The following SLC25A24 variants were observed in gnomAD, a reference collection of about 807,000 sequenced individuals.
The protein encoded by SLC25A24 is solute carrier family 25 member 24.
A neutral mutation model predicts 60.7 loss-of-function variants in SLC25A24; 49 were observed. The observed-to-expected ratio is 0.81, with a 90% CI of 0.64 to 1.02. SLC25A24 has a LOEUF of 1.02. Ranked by LOEUF, SLC25A24 falls within the 50% of genes least tolerant of loss-of-function variation. The pLI is 0.00. For synonymous variants in SLC25A24, 202 were observed against 200.6 expected, an observed-to-expected ratio of 1.01 and a Z score of -0.06; for missense variants, 564 against 586.3, an observed-to-expected ratio of 0.96 and a Z score of 0.39.
At chr1:108,198,237 T>G (rs1483730755) in intron 1 of SLC25A24, among the ~76,000 whole-genome samples, 4 of 152,154 alleles carry the variant, frequency 2.6e-5, no homozygotes, top group Non-Finnish European at 4.4e-5. Flanking sequence ...CTAAATGGAC[T>G]AAGACAGGAA....
rs556224718 is a variant in SLC25A24 at position 108,175,221 on chromosome 1, T to C, written c.398+6720A>G. On this transcript the variant is annotated intron_variant, in intron 3 of 9. Transcript: ENST00000565488. ...ACAGGAGGGACCCAGTGGGAGGTAA[T>C]TGAATCATGGAGGAGGCTACCCTCA... Among the ~76,000 whole-genome samples, 29 of 152,298 alleles carry C rather than the reference T, an allele frequency of 1.9e-4. No homozygotes were observed. In the South Asian group the frequency reaches 2.7e-3, roughly 14 times the overall value.
Position 108,165,130 on chromosome 1 carries a change from T to C in SLC25A24, c.399-3837A>G, listed in dbSNP as rs576927134. Among the ~76,000 whole-genome samples the C allele has an allele frequency of 1.4e-3, 215 of 151,208 alleles. 1 individual carries two copies. The highest frequency in any genetic ancestry group is 2.3e-3 in the Non-Finnish European group (153 of 67,828). On this transcript the variant is annotated intron_variant, in intron 3 of 9. Coordinates refer to ENST00000565488, the MANE Select transcript of SLC25A24 (RefSeq NM_013386.5). ...GAGTGAAATTCTTAATCCTGAGTTC[T>C]AGTTTGATTGCACTGTGGTCTGAGA...
At chr1:108,142,619 G>A (rs559272075) in intron 8 of SLC25A24, among the ~76,000 whole-genome samples, 15 of 152,266 alleles carry the variant, frequency 9.9e-5, no homozygotes, top group East Asian at 5.8e-4. Context: ...TTTGAGTTAC[G>A]GAGGGTAGGA....
At chr1:108,139,338 C>T in intron 8 of SLC25A24, 130 bp from the exon 9 acceptor site, 4 of 911,734 alleles carry the variant, frequency 4.4e-6, no homozygotes, top group Non-Finnish European at 6.4e-6. Flanking sequence ...GCAGAAGCAG[C>T]AGGCACTGCA....
intron 2 of SLC25A24, among the ~76,000 whole-genome samples, chr1:108,183,227 T>A (rs754674576): frequency 6.6e-6 from 1 of 152,180 alleles, no homozygotes; most frequent in Non-Finnish European, 1.5e-5. Context: ...ATGACAGGAT[T>A]CTGAGAGAAT....
At chr1:108,194,930 G>C (rs924350285) in intron 1 of SLC25A24, among the ~76,000 whole-genome samples, 1 of 152,174 alleles carries the variant, frequency 6.6e-6, no homozygotes, top group African/African-American at 2.4e-5. Context: ...TTTGAACCCT[G>C]TTCTGATTCC....
intron 7 of SLC25A24, among the ~76,000 whole-genome samples, chr1:108,144,010 G>C (rs1382287863): frequency 6.6e-6 from 1 of 152,158 alleles, no homozygotes; most frequent in Admixed American, 6.5e-5. Context: ...TGGAAGGTGA[G>C]GGAAATGGTA....
rs1174909373 is a variant in SLC25A24 at position 108,135,435 on chromosome 1, T to G, written c.*1218A>C. The G allele has an allele frequency of 6.6e-6, 1 of 152,534 alleles. No individual in the cohort carries two copies. The highest frequency in any genetic ancestry group is 6.5e-5 in the Admixed American group (1 of 15,282). The allele number at this position is 152,534 out of a possible 1,614,324, so 9.4% of individuals were successfully genotyped here. On this transcript the variant is annotated 3_prime_UTR_variant, in exon 10 of 10. Transcript: ENST00000565488. ...TAATAACTTCAACTAGTAAATATTT[T>G]TCTAAGTTCTAATCACACAAATAAG...
chr1:108,136,814 G>A lies in SLC25A24; in HGVS notation c.1273C>T (p.Leu425=), dbSNP rs780069314. 11 of 1,613,882 alleles carry A rather than the reference G, an allele frequency of 6.8e-6. No homozygotes were observed. The highest frequency in any genetic ancestry group is 1.1e-5 in the South Asian group (1 of 91,078). The stretch of plus-strand genomic sequence containing the variant: ...CGTCGAAAGAGGCCAACCATATTCA[G>A]CTGTGGGGAACCTTCTAACATGGCT... ...AQAMLEGSPQ[L]NMVGLFRRII... is the part of the protein sequence containing the mutation. Residue 425 remains leucine, a synonymous_variant, in exon 10 of 10, where the codon CTG becomes TTG. Transcript: ENST00000565488.
At chr1:108,137,925 T>C (rs534129182) in intron 9 of SLC25A24, among the ~76,000 whole-genome samples, 9 of 152,368 alleles carry the variant, frequency 5.9e-5, no homozygotes, top group Admixed American at 5.2e-4. Flanking sequence ...GCCATGACTG[T>C]CTCTCAGCTC....
intron 2 of SLC25A24, among the ~76,000 whole-genome samples, chr1:108,183,802 T>A (rs1648022141): frequency 6.6e-6 from 1 of 152,176 alleles, no homozygotes; most frequent in African/African-American, 2.4e-5. Context: ...GTTAATAGTA[T>A]GAGAGCTGAA....
chr1:108,136,742 G>C lies in SLC25A24; in HGVS notation c.1345C>G (p.Pro449Ala), dbSNP rs1679298328. ...GCAGGGAGCACCTTCATGAAGTTTGGGGTGATGCCTCTGTAAAGTCCTGGT... is the reference window on the plus strand; with the variant it reads ...GCAGGGAGCACCTTCATGAAGTTTGCGGTGATGCCTCTGTAAAGTCCTGGT... ...GIPGLYRGIT[P>A]NFMKVLPAVG... The change falls in exon 10 of 10, where the codon CCA becomes GCA. Residue 449 changes from proline to alanine, a missense_variant. By Grantham distance (27) the Pro-to-Ala change is conservative. Coordinates refer to ENST00000565488, the MANE Select transcript of SLC25A24 (RefSeq NM_013386.5). 4 of 1,613,924 alleles carry C rather than the reference G, an allele frequency of 2.5e-6. No homozygotes were observed. The highest frequency in any genetic ancestry group is 2.5e-6 in the Non-Finnish European group (3 of 1,179,942).
In SLC25A24 at chr1:108,148,642, C is replaced by T. The variant is rs115990660; in HGVS notation, c.823-256G>A. 4.7e-3 allele frequency among the ~76,000 whole-genome samples: 713 copies of T among 152,302 alleles called. 2 individuals are homozygous for T. The highest frequency in any genetic ancestry group is 7.2e-3 in the Non-Finnish European group (493 of 68,016). On this transcript the variant is annotated intron_variant, in intron 6 of 9. Coordinates refer to ENST00000565488, the MANE Select transcript of SLC25A24 (RefSeq NM_013386.5). ...GCACCAAGAAAAGACCATGTGAGCA[C>T]ATACCAGCTGTCTACAAGCTGAGAA...
intron 3 of SLC25A24, among the ~76,000 whole-genome samples, chr1:108,169,195 C>G (rs1477329328): frequency 6.6e-6 from 1 of 152,180 alleles, no homozygotes; most frequent in Non-Finnish European, 1.5e-5. Flanking sequence ...AGAAACAGCA[C>G]TGACTTGGTT....
rs1318484516 is a variant in SLC25A24 at position 108,159,618 on chromosome 1, C to A, written c.510+1564G>T. Among the ~76,000 whole-genome samples the A allele has an allele frequency of 2.0e-5, 3 of 151,480 alleles. No homozygotes were observed. In the East Asian group the frequency reaches 5.8e-4, roughly 30 times the overall value. On this transcript the variant is annotated intron_variant, in intron 4 of 9. Coordinates refer to ENST00000565488, the MANE Select transcript of SLC25A24 (RefSeq NM_013386.5). ...CTAGGCAGAGGACCCTGCGGCCTTC[C>A]GCAGTGTTTGTGTCCCTGGGTACTT...
chr1:108,187,935 T>TAG (rs916070988), intron 1 of SLC25A24, among the ~76,000 whole-genome samples: 27 of 82,298 alleles, frequency 3.3e-4, no homozygotes, highest in African/African-American at 9.6e-4. Context: ...TAGATATATA[T>TAG]ATATATATAT....
intron 1 of SLC25A24, among the ~76,000 whole-genome samples, chr1:108,189,204 T>C (rs1269743545): frequency 6.6e-6 from 1 of 152,210 alleles, no homozygotes; most frequent in Non-Finnish European, 1.5e-5. Flanking sequence ...GCATTTCTGA[T>C]GGCAAATCAA....
intron 3 of SLC25A24, among the ~76,000 whole-genome samples, chr1:108,168,385 A>G (rs1345878879): frequency 2.0e-5 from 3 of 152,166 alleles, no homozygotes; most frequent in Non-Finnish European, 4.4e-5. Flanking sequence ...CTCCCCACAC[A>G]TAAGCATCCT....
At chr1:108,146,150 C>G (rs551889029) in intron 7 of SLC25A24, among the ~76,000 whole-genome samples, 1 of 151,966 alleles carries the variant, frequency 6.6e-6, no homozygotes, top group Admixed American at 6.6e-5. Context: ...AGTTGTATTC[C>G]GAGGTATTTT....
Sources: gnomAD v4.1 joint callset for allele counts (sites outside exome capture counted in the v4.1 genomes callset) on GRCh38, gnomAD v4.1.1 for gene constraint, MANE v1.5 for transcripts, NCBI Gene and HGNC (gene_info 2026-07-23, HGNC 2026-07-21) for gene names.